The following TSPAN4 variants were observed in gnomAD, a reference collection of about 807,000 sequenced individuals.
TSPAN4 encodes the protein tetraspanin-4.
Under a neutral mutation model 31.5 loss-of-function variants are expected in TSPAN4, and 38 were observed. The observed-to-expected ratio is 1.21, with a 90% CI of 0.93 to 1.58. TSPAN4 has a LOEUF of 1.58. Ranked by LOEUF, TSPAN4 falls within the 40% of genes most tolerant of loss-of-function variation. TSPAN4 has a pLI of 0.00. For synonymous variants in TSPAN4, 186 were observed against 144.6 expected, an observed-to-expected ratio of 1.29 and a Z score of -2.06; for missense variants, 330 against 317.3, an observed-to-expected ratio of 1.04 and a Z score of -0.30.
At chr11:859,311 AC>A (rs550765904) in intron 3 of TSPAN4, among the ~76,000 whole-genome samples, 1 of 29,146 alleles carries the variant, frequency 3.4e-5, no homozygotes, top group Non-Finnish European at 6.1e-5. Context: ...GCTCACACGC[AC>A]CCCCCCTTTC....
rs576521265 is a variant in TSPAN4 at position 848,615 on chromosome 11, C to A, written c.-18+1315C>A. ...CCACATCAGTCACTCCAGGAGGACC[C>A]AGGCCTCCAGAGCTGGTCAGCCCTG... On this transcript the variant is annotated intron_variant, in intron 2 of 8. Transcript: ENST00000397397. This position sits in a 1 kb window ranked among gnomAD's most constrained non-coding sequence, Gnocchi z 5.7. Among the ~76,000 whole-genome samples, 1 of 152,182 alleles carries A rather than the reference C, an allele frequency of 6.6e-6. No individual in the cohort carries two copies. The highest frequency in any genetic ancestry group is 1.5e-5 in the Non-Finnish European group (1 of 68,018).
intron 1 of TSPAN4, among the ~76,000 whole-genome samples, chr11:846,237 C>T (rs1332493442): frequency 2.0e-5 from 3 of 152,220 alleles, no homozygotes; most frequent in South Asian, 2.1e-4. Flanking sequence ...GGCTGCTCCA[C>T]GGGCATGGCA....
intron 8 of TSPAN4, 70 bp downstream of exon 8, chr11:866,071 T>C (rs1032863697): frequency 5.2e-6 from 8 of 1,537,380 alleles, no homozygotes; most frequent in African/African-American, 2.7e-5. Context: ...GGGAACAAAG[T>C]AGCAAAGACC....
intron 4 of TSPAN4, 91 bp downstream of exon 4, chr11:862,832 C>A: frequency 7.4e-7 from 1 of 1,352,364 alleles, no homozygotes; most frequent in Non-Finnish European, 9.8e-7. Context: ...CAGTGACCCC[C>A]CAGACGTGGG....
chr11:853,789 C>T (rs913872543), intron 3 of TSPAN4, among the ~76,000 whole-genome samples: 3 of 152,228 alleles, frequency 2.0e-5, no homozygotes, highest in Non-Finnish European at 2.9e-5. Context: ...TGGGGCACAG[C>T]CACTGAGCCT....
intron 3 of TSPAN4, among the ~76,000 whole-genome samples, chr11:853,415 G>A (rs990210894): frequency 1.1e-4 from 17 of 152,286 alleles, no homozygotes; most frequent in Non-Finnish European, 2.2e-4. Context: ...GGTCACTGAC[G>A]GCCTGGGGCA....
At chr11:853,762 G>A (rs555352443) in intron 3 of TSPAN4, among the ~76,000 whole-genome samples, 3 of 152,354 alleles carry the variant, frequency 2.0e-5, no homozygotes, top group Admixed American at 6.5e-5. Flanking sequence ...GCCCTCACCC[G>A]GTGATGGCAG....
chr11:865,504 C>T lies in TSPAN4; in HGVS notation c.331-9C>T, dbSNP rs867501651. On this transcript the variant is annotated splice_polypyrimidine_tract_variant and intron_variant, in intron 5 of 8. Coordinates refer to ENST00000397397, the MANE Select transcript of TSPAN4 (RefSeq NM_003271.5). ...GGAGGGGCCCTGCTGACCCCCCCCG[C>T]ACCCCCAGATTGACAGGTATGCCCA... 6.8e-6 allele frequency: 11 copies of T among 1,607,936 alleles called. No individual in the cohort carries two copies. The highest frequency in any genetic ancestry group is 3.3e-5 in the Admixed American group (2 of 59,858).
chr11:864,131 A>G (rs1848631408), intron 4 of TSPAN4: 3 of 470,356 alleles, frequency 6.4e-6, no homozygotes, highest in African/African-American at 3.9e-5. Context: ...CCTCAGGAAC[A>G]GGGATTTGTG....
chr11:866,567 G>A lies in TSPAN4; in HGVS notation c.654G>A (p.Leu218=), dbSNP rs964467673. 3.7e-6 allele frequency: 6 copies of A among 1,613,306 alleles called. No individual in the cohort carries two copies. Among genetic ancestry groups the A allele is most frequent in the South Asian group, 1.1e-5 (1 of 91,054 alleles). ...TCCTCCTCCCCTACCTACAGATCCT[G>A]GGCCTGACCTTCGCCATGACCATGT... ...FGLCTALVQI[L]GLTFAMTMYC... is the part of the protein sequence containing the mutation. Residue 218 remains leucine, a synonymous_variant, in exon 9 of 9, where the codon CTG becomes CTA. Transcript: ENST00000397397.
rs570787947 is a variant in TSPAN4 at position 862,776 on chromosome 11, G to A, written c.255+35G>A. On this transcript the variant is annotated intron_variant, in intron 4 of 8. Coordinates refer to ENST00000397397, the MANE Select transcript of TSPAN4 (RefSeq NM_003271.5). ...GGGGCCCAAGCGATGCTCCGGGTGG[G>A]ACCACGCAGGGTGGGGCTCCGGTGG... 2.5e-6 allele frequency: 4 copies of A among 1,572,654 alleles called. No homozygotes were observed. In the Admixed American group the frequency reaches 5.3e-5, roughly 21 times the overall value.
At chr11:864,666 C>A in intron 5 of TSPAN4, 155 bp downstream of exon 5, 2 of 874,966 alleles carry the variant, frequency 2.3e-6, no homozygotes, top group Non-Finnish European at 1.8e-6. Context: ...CCTGGAGGGG[C>A]AGCGCCAGCG....
At chr11:860,248 G>A (rs1262900980) in intron 3 of TSPAN4, among the ~76,000 whole-genome samples, 2 of 152,188 alleles carry the variant, frequency 1.3e-5, no homozygotes, top group East Asian at 3.9e-4. Flanking sequence ...CTGCTCTGAG[G>A]GGATTTTACC....
intron 1 of TSPAN4, among the ~76,000 whole-genome samples, chr11:845,313 T>A (rs1847250919): frequency 6.6e-6 from 1 of 152,142 alleles, no homozygotes. Flanking sequence ...CTGCCCACCG[T>A]ACCCACGCCG....
At position 848,831 on chromosome 11, in the gene TSPAN4, G is replaced by T; in HGVS notation, c.-17-1457G>T. The T allele has an allele frequency of 3.0e-6, 2 of 656,178 alleles. No individual in the cohort carries two copies. 40.6% of individuals were successfully genotyped at this position (656,178 alleles called of 1,614,324 possible). The stretch of plus-strand genomic sequence containing the variant: ...CTTCAGAGGCGTGGGGTAGGCTGCA[G>T]GGCACAGCTGGGGGCCTCTGTCCCC... On this transcript the variant is annotated intron_variant, in intron 2 of 8. Coordinates refer to ENST00000397397, the MANE Select transcript of TSPAN4 (RefSeq NM_003271.5). This position sits in a 1 kb window ranked among gnomAD's most constrained non-coding sequence, Gnocchi z 5.7.
intron 3 of TSPAN4, chr11:856,896 T>C (rs1394925111): frequency 6.6e-6 from 1 of 152,270 alleles, no homozygotes; most frequent in African/African-American, 2.4e-5. Context: ...TGCAGGTAAT[T>C]TTATTAACCA....
In TSPAN4 at chr11:866,844, G is replaced by A. The variant is rs569945154; in HGVS notation, c.*214G>A. ...GACCCCCCCTGGGAGGGGTGGCCACGTGCTGGCTGCGGAACCCAGGGCAGG... is the reference window on the plus strand; with the variant it reads ...GACCCCCCCTGGGAGGGGTGGCCACATGCTGGCTGCGGAACCCAGGGCAGG... On this transcript the variant is annotated 3_prime_UTR_variant, in exon 9 of 9. Transcript: ENST00000397397. The A allele has an allele frequency of 1.3e-4, 72 of 537,524 alleles. No homozygotes were observed. The East Asian group carries it at 2.0e-3, about 15-fold the overall frequency. The allele number at this position is 537,524 out of a possible 1,614,324, so 33.3% of individuals were successfully genotyped here. A position where few individuals can be genotyped will look rare whatever the true frequency, so the allele number is the denominator to read the frequency against.
Position 865,696 on chromosome 11 carries a change from CCGCTGCTGT to C in TSPAN4, c.436_444del (p.Arg146_Cys148del). ...CCCGACCTGAGCTTGCCCCCCAGTTCCGCTGCTGTGGCGTCTCCAACTACACTGACTGGT... is the reference window on the plus strand; with the variant it reads ...CCCGACCTGAGCTTGCCCCCCAGTTCGGCGTCTCCAACTACACTGACTGGT... On this transcript the variant is annotated inframe_deletion, in exon 7 of 9. Transcript: ENST00000397397. 1 of 1,613,308 alleles carries C rather than the reference CCGCTGCTGT, an allele frequency of 6.2e-7. No individual in the cohort carries two copies. Among genetic ancestry groups the C allele is most frequent in the Non-Finnish European group, 8.5e-7 (1 of 1,179,932 alleles).
chr11:850,415 T>G (rs2133999553), intron 3 of TSPAN4, 48 bp downstream of exon 3: 1 of 1,538,160 alleles, frequency 6.5e-7, no homozygotes, highest in Non-Finnish European at 8.8e-7. Context: ...CCGGGGTCCC[T>G]CCCGCGGCGG....
Sources: gnomAD v4.1 joint callset for allele counts (sites outside exome capture counted in the v4.1 genomes callset) on GRCh38, gnomAD v4.1.1 for gene constraint, Gnocchi (gnomAD v3.1) non-coding constraint, MANE v1.5 for transcripts, NCBI Gene and HGNC (gene_info 2026-07-23, HGNC 2026-07-21) for gene names.